The following MPG variants were observed in gnomAD, a reference collection of about 807,000 sequenced individuals.
MPG encodes the protein DNA-3-methyladenine glycosylase.
A neutral mutation model predicts 31.7 loss-of-function variants in MPG; 33 were observed. The ratio of observed to expected loss-of-function variants is 1.04; its 90% confidence interval spans 0.79 to 1.39. The LOEUF is 1.39. MPG is among the 40% of genes most tolerant of loss of function. MPG has a pLI of 0.00. For synonymous variants in MPG, 202 were observed against 169.2 expected (o/e 1.19, Z -1.51); for missense variants, 455 against 415.5 (o/e 1.10, Z -0.83).
Position 79,590 on chromosome 16 carries a change from G to C in MPG, c.190G>C (p.Gly64Arg), listed in dbSNP as rs772888844. ...ERCLGPPTTP[G>R]PYRSIYFSSP... is the part of the protein sequence containing the mutation. ...CTGCTTGGGACCGCCCACCACTCCG[G>C]GCCCATACCGCAGCATCTATTTCTC... Residue 64 changes from glycine (G) to arginine (R), a missense_variant, in exon 2 of 4, where the codon GGC becomes CGC. Physicochemically the swap from Gly to Arg is moderately radical, Grantham distance 125 (BLOSUM62 -2). Transcript: ENST00000356432. 1.2e-6 allele frequency: 2 copies of C among 1,610,118 alleles called. No individual in the cohort carries two copies. The highest frequency in any genetic ancestry group is 1.7e-6 in the Non-Finnish European group (2 of 1,178,470).
At chr16:77,774 G>A (rs557624597), upstream of MPG, among the ~76,000 whole-genome samples, 8 of 152,240 alleles carry the variant, frequency 5.3e-5, no homozygotes, top group East Asian at 1.2e-3. Flanking sequence ...GGGCTGGGGC[G>A]GCCTCCCAGG....
At chr16:81,096 A>C (rs1280674973) in intron 2 of MPG, among the ~76,000 whole-genome samples, 1 of 152,164 alleles carries the variant, frequency 6.6e-6, no homozygotes, top group Non-Finnish European at 1.5e-5. Flanking sequence ...CCCCTCAGCC[A>C]GGCTTGGGTC....
In MPG at chr16:83,076, G is replaced by C; in HGVS notation, c.325G>C (p.Gly109Arg). The C allele has an allele frequency of 1.2e-6, 2 of 1,608,128 alleles. No individual in the cohort carries two copies. Among genetic ancestry groups the C allele is most frequent in the South Asian group, 2.2e-5 (2 of 90,796 alleles). ...GGTCCTAGTCCGGCGACTTCCTAATGGCACAGAACTCCGAGGCCGCATCGT... is the reference window on the plus strand; with the variant it reads ...GGTCCTAGTCCGGCGACTTCCTAATCGCACAGAACTCCGAGGCCGCATCGT... The part of the protein sequence containing the change: ...GQVLVRRLPN[G>R]TELRGRIVET... Residue 109 changes from glycine to arginine, a missense_variant, in exon 3 of 4, where the codon GGC (glycine) becomes CGC (arginine). By Grantham distance (125) the Gly-to-Arg change is moderately radical. Coordinates refer to ENST00000356432, the MANE Select transcript of MPG (RefSeq NM_001015052.3).
chr16:81,066 C>G (rs1418228316), intron 2 of MPG, among the ~76,000 whole-genome samples: 1 of 152,166 alleles, frequency 6.6e-6, no homozygotes, highest in Non-Finnish European at 1.5e-5. Context: ...CCATAACCTC[C>G]TAGTGGATGC....
chr16:85,834 T>C lies in MPG; in HGVS notation c.*57T>C, dbSNP rs2141892768. On this transcript the variant is annotated 3_prime_UTR_variant, in exon 4 of 4. Transcript: ENST00000356432. ...TTGTTTAAAAACCGAATAAATGTTT[T>C]ATTTCTAGAAAACTGTGCCTTAGCC... The C allele has an allele frequency of 7.0e-7, 1 of 1,424,142 alleles. No homozygotes were observed. Among genetic ancestry groups the C allele is most frequent in the Non-Finnish European group, 9.2e-7 (1 of 1,086,510 alleles). 88.2% of individuals were successfully genotyped at this position (1,424,142 alleles called of 1,614,324 possible). A position where few individuals can be genotyped will look rare whatever the true frequency, so the allele number is the denominator to read the frequency against.
In MPG at chr16:85,745, G is replaced by A. The variant is rs766178818; in HGVS notation, c.850G>A (p.Asp284Asn). Reference protein sequence around the residue: ...VRGSPWVSVVDRVAEQDTQA With the variant: ...VRGSPWVSVVNRVAEQDTQA ...GGGCAGCCCCTGGGTCAGTGTGGTC[G>A]ACAGAGTGGCTGAGCAGGACACACA... The change falls in exon 4 of 4, where the codon GAC becomes AAC. Residue 284 changes from aspartate to asparagine, a missense_variant. Asp to Asn is a conservative substitution (Grantham distance 23). Transcript: ENST00000356432. The A allele has an allele frequency of 1.8e-5, 27 of 1,514,446 alleles. No individual in the cohort carries two copies. In the African/African-American group the frequency reaches 2.4e-4, roughly 13 times the overall value. The allele number at this position is 1,514,446 out of a possible 1,614,324, so 93.8% of individuals were successfully genotyped here.
chr16:84,077 G>A (rs757351813), intron 3 of MPG, among the ~76,000 whole-genome samples: 11 of 152,126 alleles, frequency 7.2e-5, no homozygotes, highest in Admixed American at 2.0e-4. Context: ...TGATGAGGGC[G>A]GCCAGGCTTT....
intron 1 of MPG, chr16:79,173 G>C (rs549200956): frequency 6.5e-7 from 1 of 1,536,184 alleles, no homozygotes; most frequent in South Asian, 1.2e-5. Flanking sequence ...CGTGCAGCTC[G>C]CACATATGTG....
intron 3 of MPG, among the ~76,000 whole-genome samples, chr16:84,777 G>A (rs977857452): frequency 6.6e-6 from 1 of 152,200 alleles, no homozygotes; most frequent in Non-Finnish European, 1.5e-5. Flanking sequence ...CCTGTGCAGG[G>A]TGTTGCAGTC....
At chr16:83,808 C>T (rs1898330030) in intron 3 of MPG, among the ~76,000 whole-genome samples, 1 of 151,190 alleles carries the variant, frequency 6.6e-6, no homozygotes, top group African/African-American at 2.4e-5. Flanking sequence ...AGGCCGAGGA[C>T]ACAGTGTCGC....
At chr16:81,553 CT>C (rs34532333) in intron 2 of MPG, among the ~76,000 whole-genome samples, 115,933 of 133,812 alleles carry the variant, frequency 0.87, 50,553 homozygotes, top group Admixed American at 0.89. Context: ...CTAAGGATTT[CT>C]GGGCTTCCCG....
upstream of MPG, among the ~76,000 whole-genome samples, chr16:77,764 G>C (rs1898126996): frequency 6.6e-6 from 1 of 152,148 alleles, no homozygotes; most frequent in Non-Finnish European, 1.5e-5. Context: ...CTCCGGACCA[G>C]GGCTGGGGCG....
chr16:79,177 A>G (rs560935967), intron 1 of MPG: 5 of 1,540,572 alleles, frequency 3.2e-6, no homozygotes, highest in South Asian at 1.2e-5. Flanking sequence ...CAGCTCGCAC[A>G]TATGTGGGGC....
intron 1 of MPG, chr16:79,213 C>T: frequency 3.9e-6 from 6 of 1,550,282 alleles, no homozygotes; most frequent in Non-Finnish European, 5.2e-6. Flanking sequence ...CCCCCAGCAG[C>T]AGCCGTCCAT....
At chr16:83,516 G>A (rs1019352335) in intron 3 of MPG, 35 of 422,366 alleles carry the variant, frequency 8.3e-5, no homozygotes, top group South Asian at 1.5e-4. Context: ...CGAGGCGGGC[G>A]GATCACCTGA....
In MPG at chr16:79,632, C is replaced by G; in HGVS notation, c.232C>G (p.Leu78Val). The change falls in exon 2 of 4, where the codon CTT (leucine) becomes GTT (valine). Residue 78 changes from leucine (L) to valine (V), a missense_variant. By Grantham distance (32) the Leu-to-Val change is conservative (BLOSUM62 1). Coordinates refer to ENST00000356432, the MANE Select transcript of MPG (RefSeq NM_001015052.3). Reference protein sequence around the residue: ...SIYFSSPKGHLTRLGLEFFDQ... With the variant: ...SIYFSSPKGHVTRLGLEFFDQ... ...CTATTTCTCAAGCCCAAAGGGCCACCTTACCCGACTGGGGTTGGAGTTCTT... is the reference window on the plus strand; with the variant it reads ...CTATTTCTCAAGCCCAAAGGGCCACGTTACCCGACTGGGGTTGGAGTTCTT... 1 of 1,584,182 alleles carries G rather than the reference C, an allele frequency of 6.3e-7. No individual in the cohort carries two copies. The highest frequency in any genetic ancestry group is 8.6e-7 in the Non-Finnish European group (1 of 1,164,312).
At chr16:81,974 G>C (rs1490865806) in intron 2 of MPG, among the ~76,000 whole-genome samples, 1 of 118,804 alleles carries the variant, frequency 8.4e-6, no homozygotes, top group Non-Finnish European at 1.6e-5. Flanking sequence ...TCCCCGCGCT[G>C]ACCCCTTCTT....
rs1898181074 is a variant in MPG, at chr16:79,482, A to G, written c.82A>G (p.Ser28Gly). ...ACCAGCTAGAGCAGGGCAGCCACAC[A>G]GCTCGTCCGACGCAGCCCAGGCACC... The part of the protein sequence containing the change: ...QRPARAGQPH[S>G]SSDAAQAPAE... Residue 28 changes from serine to glycine, a missense_variant, in exon 2 of 4, where the codon AGC becomes GGC. Transcript: ENST00000356432. 1.9e-6 allele frequency: 3 copies of G among 1,612,740 alleles called. No homozygotes were observed. In the East Asian group the frequency reaches 6.7e-5, roughly 36 times the overall value.
At chr16:82,193 C>T (rs1898265959) in intron 2 of MPG, among the ~76,000 whole-genome samples, 1 of 136,884 alleles carries the variant, frequency 7.3e-6, no homozygotes, top group African/African-American at 3.1e-5. Flanking sequence ...CCTGAATGCT[C>T]CCCGCGCTGA....
Sources: allele counts gnomAD v4.1 joint callset (sites outside exome capture counted in the v4.1 genomes callset), GRCh38; gene constraint gnomAD v4.1.1; transcripts MANE v1.5; gene names NCBI Gene and HGNC (gene_info 2026-07-23, HGNC 2026-07-21).